ADD1: variants seen among roughly 807,000 people sequenced by gnomAD.
ADD1 encodes the protein adducin 1, also known as alpha-adducin.
In ADD1, 24 loss-of-function variants were observed where a neutral mutation model predicts 80.5. That is an observed-to-expected ratio of 0.30 (90% CI 0.22 to 0.42). The LOEUF (loss-of-function observed/expected upper bound fraction) is 0.42. Ranked by LOEUF, ADD1 falls within the 10% of genes least tolerant of loss-of-function variation. The pLI is 1.00. For synonymous variants in ADD1, 373 were observed against 393.8 expected, an observed-to-expected ratio of 0.95 and a Z score of 0.63; for missense variants, 948 against 1,019.0, an observed-to-expected ratio of 0.93 and a Z score of 0.95.
intron 2 of ADD1, 44 bp from the exon 3 acceptor site, chr4:2,881,854 A>G (rs1162981412): frequency 6.5e-7 from 1 of 1,539,152 alleles, no homozygotes; most frequent in Non-Finnish European, 8.7e-7. Flanking sequence ...TGCCCAAGGA[A>G]CAGAAAATAA....
chr4:2,850,469 A>G (rs1007161192), intron 1 of ADD1, among the ~76,000 whole-genome samples: 12 of 151,690 alleles, frequency 7.9e-5, no homozygotes, highest in African/African-American at 2.9e-4. Flanking sequence ...TCTGTCGCCC[A>G]GGCTGGAGTG....
intron 4 of ADD1, among the ~76,000 whole-genome samples, chr4:2,889,934 C>T (rs1241327747): frequency 1.3e-5 from 2 of 152,216 alleles, no homozygotes; most frequent in African/African-American, 4.8e-5. Flanking sequence ...TGCAGTGGCT[C>T]ACGCCTGTAA....
chr4:2,873,490 A>G (rs1730777064), intron 1 of ADD1, among the ~76,000 whole-genome samples: 1 of 152,222 alleles, frequency 6.6e-6, no homozygotes, highest in Non-Finnish European at 1.5e-5. Context: ...GCATGTATAT[A>G]CCTGGCCTGC....
chr4:2,852,390 G>A (rs535175876), intron 1 of ADD1, among the ~76,000 whole-genome samples: 2 of 140,830 alleles, frequency 1.4e-5, no homozygotes, highest in East Asian at 4.1e-4. Context: ...ACAGTGGTGC[G>A]ATCTTGGCTC....
chr4:2,910,669 C>A (rs1306693736), intron 13 of ADD1, among the ~76,000 whole-genome samples: 1 of 152,166 alleles, frequency 6.6e-6, no homozygotes, highest in Non-Finnish European at 1.5e-5. Flanking sequence ...CAGCCTGGGT[C>A]GCCGTGTTCA....
At chr4:2,905,323 C>T (rs978525954) in intron 10 of ADD1, 23 of 582,724 alleles carry the variant, frequency 3.9e-5, no homozygotes, top group Non-Finnish European at 6.1e-5. Flanking sequence ...AATGTAACTC[C>T]GCAGTAGTTC....
chr4:2,875,997 G>C lies in ADD1; in HGVS notation c.82G>C (p.Val28Leu). ...TCACAAGGAGAGGTACTTCGACCGA[G>C]TAGATGAGAACAACCCAGAGTACTT... is the stretch of plus-strand genomic sequence containing the variant. ...APHKERYFDR[V>L]DENNPEYLRE... The change falls in exon 2 of 16, where the codon GTA becomes CTA. Residue 28 changes from valine to leucine, a missense_variant. Val to Leu is a conservative substitution (Grantham distance 32). Transcript: ENST00000683351. The C allele has an allele frequency of 6.2e-7, 1 of 1,614,156 alleles. No homozygotes were observed.
Position 2,894,508 on chromosome 4 carries a change from C to G in ADD1, c.592-74C>G, listed in dbSNP as rs371870907. 1,050 of 1,091,978 alleles carry G rather than the reference C, an allele frequency of 9.6e-4. 15 individuals are homozygous for G. The African/African-American group carries it at 0.022, about 22-fold the overall frequency. 67.6% of individuals were successfully genotyped at this position (1,091,978 alleles called of 1,614,324 possible). ...CCTGGGCGACAGAGCCAGACCCTAT[C>G]AAAAAAAAAAAAAAAAAGAAAAGAA... On this transcript the variant is annotated intron_variant, in intron 5 of 15. Transcript: ENST00000683351.
Position 2,845,126 on chromosome 4 carries a change from A to G in ADD1, c.-21+1102A>G, listed in dbSNP as rs540347749. Among the ~76,000 whole-genome samples the G allele has an allele frequency of 3.3e-5, 5 of 152,138 alleles. No homozygotes were observed. In the East Asian group the frequency reaches 5.8e-4, roughly 18 times the overall value. ...TCTCGCTCTGTCGCCAGGCTGGAGT[A>G]CAGTGGCGCGATCTCCAGTCACTGC... is the stretch of plus-strand genomic sequence containing the variant. On this transcript the variant is annotated intron_variant, in intron 1 of 15. Coordinates refer to ENST00000683351, the MANE Select transcript of ADD1 (RefSeq NM_001354761.2).
intron 1 of ADD1, among the ~76,000 whole-genome samples, chr4:2,861,944 A>G (rs755469434): frequency 5.3e-5 from 8 of 152,240 alleles, no homozygotes; most frequent in Non-Finnish European, 1.2e-4. Flanking sequence ...TAAGTTCATC[A>G]ACTATCATTA....
intron 10 of ADD1, among the ~76,000 whole-genome samples, chr4:2,906,442 GTGC>G (rs1737085289): frequency 6.6e-6 from 1 of 151,762 alleles, no homozygotes; most frequent in Non-Finnish European, 1.5e-5. Flanking sequence ...GTGAAGCACA[GTGC>G]TGAATTGCCA....
chr4:2,893,913 C>G lies in ADD1; in HGVS notation c.511-100C>G, dbSNP rs754622120. Reference sequence around the variant, plus strand: ...TGTGCATGGACGCTTCCCTGCATAGCTCACTCAGTGTTCTGAACAAACCCG... The same window carrying G: ...TGTGCATGGACGCTTCCCTGCATAGGTCACTCAGTGTTCTGAACAAACCCG... On this transcript the variant is annotated intron_variant, in intron 4 of 15. Coordinates refer to ENST00000683351, the MANE Select transcript of ADD1 (RefSeq NM_001354761.2). 5.1e-5 allele frequency: 54 copies of G among 1,065,738 alleles called. 1 individual carries two copies. In the East Asian group the frequency reaches 1.1e-3, roughly 21 times the overall value. 66.0% of individuals were successfully genotyped at this position (1,065,738 alleles called of 1,614,324 possible).
intron 1 of ADD1, among the ~76,000 whole-genome samples, chr4:2,875,053 C>G (rs1404270466): frequency 6.6e-6 from 1 of 152,038 alleles, no homozygotes; most frequent in African/African-American, 2.4e-5. Context: ...TCAGGGATAC[C>G]CCCATCTCTA....
At chr4:2,884,456 A>G in intron 3 of ADD1, 59 bp from the exon 4 acceptor site, 1 of 1,365,884 alleles carries the variant, frequency 7.3e-7, no homozygotes, top group South Asian at 1.6e-5. Flanking sequence ...CTTCTGAGTA[A>G]CTAGGACTAC....
At chr4:2,853,172 G>C (rs975792192) in intron 1 of ADD1, 1 of 147,558 alleles carries the variant, frequency 6.8e-6, no homozygotes, top group Non-Finnish European at 1.5e-5. Flanking sequence ...GCAGTGGCAC[G>C]ATCTTGGCTC....
chr4:2,898,283 G>A lies in ADD1; in HGVS notation c.841G>A (p.Glu281Lys). The A allele has an allele frequency of 6.2e-7, 1 of 1,614,206 alleles. No individual in the cohort carries two copies. The highest frequency in any genetic ancestry group is 1.7e-5 in the Admixed American group (1 of 60,016). ...CTACCATGGCATTCTGGTTGATGAAGAGGAAAAAGTTTTGATTCAGAAAAA... is the reference window on the plus strand; with the variant it reads ...CTACCATGGCATTCTGGTTGATGAAAAGGAAAAAGTTTTGATTCAGAAAAA... The part of the protein sequence containing the change: ...HDYHGILVDE[E>K]EKVLIQKNLG... Residue 281 changes from glutamate (E) to lysine (K), a missense_variant, in exon 7 of 16, where the codon GAG becomes AAG. Glu to Lys is a moderately conservative substitution (Grantham distance 56). Transcript: ENST00000683351.
intron 6 of ADD1, among the ~76,000 whole-genome samples, chr4:2,896,429 G>A (rs1019662142): frequency 2.6e-5 from 4 of 151,002 alleles, no homozygotes; most frequent in African/African-American, 4.9e-5. Context: ...GGCTGGTCTC[G>A]AACTCCTGAC....
At position 2,843,885 on chromosome 4, in the gene ADD1, G is replaced by C. The variant is rs537617783; in HGVS notation, c.-160G>C. The C allele has an allele frequency of 6.6e-6, 1 of 152,582 alleles. No homozygotes were observed. The highest frequency in any genetic ancestry group is 1.5e-5 in the Non-Finnish European group (1 of 68,324). The allele number at this position is 152,582 out of a possible 1,614,324, so 9.5% of individuals were successfully genotyped here. On this transcript the variant is annotated 5_prime_UTR_variant, in exon 1 of 16. Coordinates refer to ENST00000683351, the MANE Select transcript of ADD1 (RefSeq NM_001354761.2). The stretch of plus-strand genomic sequence containing the variant: ...CCCAGGTCGGGCGGTGGGGGCGAGC[G>C]GAGGGGCTGAGGGGCGGAGAGGCCT...
chr4:2,922,748 C>T (rs1051940512), intron 14 of ADD1, among the ~76,000 whole-genome samples: 1 of 152,216 alleles, frequency 6.6e-6, no homozygotes, highest in African/African-American at 2.4e-5. Flanking sequence ...GCCAACCCTT[C>T]CCCCAGGTGC....
Sources: allele counts gnomAD v4.1 joint callset (sites outside exome capture counted in the v4.1 genomes callset), GRCh38; gene constraint gnomAD v4.1.1; transcripts MANE v1.5; gene names NCBI Gene and HGNC (gene_info 2026-07-23, HGNC 2026-07-21).